RGL3: variants seen among roughly 807,000 people sequenced by gnomAD.
The protein encoded by RGL3 is ral guanine nucleotide dissociation stimulator-like 3.
A neutral mutation model predicts 90.6 loss-of-function variants in RGL3; 85 were observed. That is an observed-to-expected ratio of 0.94 (90% CI 0.79 to 1.12). The LOEUF is 1.12. RGL3 is among the 50% of genes most tolerant of loss of function. RGL3 has a pLI of 0.00. For synonymous variants in RGL3, 408 were observed against 385.5 expected, an observed-to-expected ratio of 1.06 and a Z score of -0.68; for missense variants, 1,034 against 939.2, an observed-to-expected ratio of 1.10 and a Z score of -1.32.
intron 1 of RGL3, chr19:11,418,991 C>T: frequency 1.6e-6 from 1 of 618,672 alleles, no homozygotes; most frequent in South Asian, 2.0e-5. Context: ...CATGGGGTGG[C>T]ATTTGGGGAT....
At chr19:11,400,152 T>C (rs1411511707) in intron 14 of RGL3, 44 bp from the exon 15 acceptor site, 1 of 1,577,320 alleles carries the variant, frequency 6.3e-7, no homozygotes, top group African/African-American at 1.4e-5. Flanking sequence ...GGAGCAGCCC[T>C]TGCTGATATC....
rs116871801 is a variant in RGL3, at chr19:11,401,056, T to G, written c.1485-759A>C. The stretch of plus-strand genomic sequence containing the variant: ...TTACTCAGAACTGAGGGTCAAGGGT[T>G]GGGGTCAGAGAGTCAGATGAGGGGT... On this transcript the variant is annotated intron_variant, in intron 13 of 18. Coordinates refer to ENST00000380456, the MANE Select transcript of RGL3 (RefSeq NM_001035223.4). Among the ~76,000 whole-genome samples, 31 of 151,384 alleles carry G rather than the reference T, an allele frequency of 2.0e-4. No individual in the cohort carries two copies. In the East Asian group the frequency reaches 5.9e-3, roughly 29 times the overall value.
chr19:11,418,601 C>T, intron 2 of RGL3, 70 bp downstream of exon 2: 2 of 1,270,676 alleles, frequency 1.6e-6, no homozygotes. Context: ...GCGGCCTGTG[C>T]TCGGCTCTCC....
At position 11,416,942 on chromosome 19, in the gene RGL3, C is replaced by T. The variant is rs1275907501; in HGVS notation, c.265G>A (p.Asp89Asn). The T allele has an allele frequency of 5.6e-6, 9 of 1,614,052 alleles. No homozygotes were observed. The highest frequency in any genetic ancestry group is 2.2e-5 in the South Asian group (2 of 91,078). Residue 89 changes from aspartate to asparagine, a missense_variant, in exon 3 of 19, where the codon GAC becomes AAC. Transcript: ENST00000380456. ...GELVFGDREQ[D>N]PSFMPAFLAT... ...AGGAAGGCGGGCATGAAGCTGGGGTCCTGCTCACGGTCTCCAAACACCAAC... is the reference window on the plus strand; with the variant it reads ...AGGAAGGCGGGCATGAAGCTGGGGTTCTGCTCACGGTCTCCAAACACCAAC...
intron 18 of RGL3, 71 bp downstream of exon 18, chr19:11,397,173 T>A: frequency 7.5e-7 from 1 of 1,329,912 alleles, no homozygotes; most frequent in South Asian, 1.2e-5. Context: ...TTGGGCTCCA[T>A]CCTTGGGCGT....
At chr19:11,418,451 G>A in intron 2 of RGL3, 2 of 576,926 alleles carry the variant, frequency 3.5e-6, no homozygotes, top group Non-Finnish European at 3.1e-6. Flanking sequence ...CTCCTCTCGG[G>A]AACTGCGCGG....
At chr19:11,405,014 G>C (rs1968744860) in intron 9 of RGL3, 133 bp downstream of exon 9, 1 of 775,204 alleles carries the variant, frequency 1.3e-6, no homozygotes, top group Non-Finnish European at 2.2e-6. Flanking sequence ...CAGGGACAAG[G>C]ATAAGGTCAT....
intron 9 of RGL3, among the ~76,000 whole-genome samples, chr19:11,403,123 C>T (rs1968709357): frequency 6.6e-6 from 1 of 151,678 alleles, no homozygotes; most frequent in South Asian, 2.1e-4. Flanking sequence ...CAGGCTCCGC[C>T]CCCCGGGGTT....
At chr19:11,413,199 T>G (rs1968901111) in intron 5 of RGL3, among the ~76,000 whole-genome samples, 1 of 148,690 alleles carries the variant, frequency 6.7e-6, no homozygotes, top group Admixed American at 6.8e-5. Flanking sequence ...AAGACCTGAA[T>G]TTTTGCCTTT....
rs1968647358 is a variant in RGL3, at chr19:11,400,119, G to C, written c.1581-11C>G. On this transcript the variant is annotated splice_polypyrimidine_tract_variant and intron_variant, in intron 14 of 18. Coordinates refer to ENST00000380456, the MANE Select transcript of RGL3 (RefSeq NM_001035223.4). ...TCTCGGGCAAGCTTCCTAAGGATGG[G>C]GACAGGGGATGAGGCTAAGGCAGGA... is the stretch of plus-strand genomic sequence containing the variant. The C allele has an allele frequency of 1.2e-5, 19 of 1,605,864 alleles. No individual in the cohort carries two copies. Among genetic ancestry groups the C allele is most frequent in the Non-Finnish European group, 1.4e-5 (17 of 1,176,188 alleles).
intron 13 of RGL3, among the ~76,000 whole-genome samples, chr19:11,400,561 C>A (rs1296631268): frequency 1.3e-5 from 2 of 151,816 alleles, no homozygotes; most frequent in Non-Finnish European, 2.9e-5. Flanking sequence ...GGATTAAAGT[C>A]AGGGTCAGGA....
intron 5 of RGL3, among the ~76,000 whole-genome samples, chr19:11,409,682 T>A (rs1005718772): frequency 6.6e-6 from 1 of 152,190 alleles, no homozygotes; most frequent in African/African-American, 2.4e-5. Flanking sequence ...TGGAAAATGA[T>A]GTCCCCAGAA....
chr19:11,401,401 T>TC (rs1212810324), intron 13 of RGL3, among the ~76,000 whole-genome samples: 1 of 150,794 alleles, frequency 6.6e-6, no homozygotes, highest in Non-Finnish European at 1.5e-5. Flanking sequence ...GCTAATTTTT[T>TC]TTTTTTTTTT....
chr19:11,406,910 C>G, intron 5 of RGL3, 46 bp from the exon 6 acceptor site: 2 of 1,577,888 alleles, frequency 1.3e-6, no homozygotes, highest in Non-Finnish European at 1.7e-6. Context: ...GAATCCAAGA[C>G]TGGCTGTGTG....
At position 11,416,484 on chromosome 19, in the gene RGL3, C is replaced by T; in HGVS notation, c.425+130G>A. 3 of 905,742 alleles carry T rather than the reference C, an allele frequency of 3.3e-6. No homozygotes were observed. The Admixed American group carries it at 5.2e-5, about 16-fold the overall frequency. The allele number at this position is 905,742 out of a possible 1,614,324, so 56.1% of individuals were successfully genotyped here. A position where few individuals can be genotyped will look rare whatever the true frequency, so the allele number is the denominator to read the frequency against. On this transcript the variant is annotated intron_variant, in intron 4 of 18. Transcript: ENST00000380456. ...AAAGTGTTGGGATTACAGGCATGAGCCACCACGCCCCACCTGACTCCCAGT... is the reference window on the plus strand; with the variant it reads ...AAAGTGTTGGGATTACAGGCATGAGTCACCACGCCCCACCTGACTCCCAGT...
rs888323465 is a variant in RGL3, at chr19:11,397,668, C to T, written c.1747-71G>A. The T allele has an allele frequency of 2.2e-6, 3 of 1,387,726 alleles. No individual in the cohort carries two copies. In the African/African-American group the frequency reaches 4.4e-5, roughly 20 times the overall value. 86.0% of individuals were successfully genotyped at this position (1,387,726 alleles called of 1,614,324 possible). On this transcript the variant is annotated intron_variant, in intron 16 of 18. Coordinates refer to ENST00000380456, the MANE Select transcript of RGL3 (RefSeq NM_001035223.4). ...ATGCTGAGGGCTAGAAAAGCACGAA[C>T]ACCCCAGCCACCACTGGTGCATTCA...
chr19:11,414,231 T>TTATATATACCTTTA (rs1568341654), intron 5 of RGL3, among the ~76,000 whole-genome samples: 5 of 72,460 alleles, frequency 6.9e-5, no homozygotes, highest in African/African-American at 2.9e-4. Flanking sequence ...ATATATACCT[T>TTATATATACCTTTA]TATATATATA....
At chr19:11,399,479 T>G (rs1180657882) in intron 16 of RGL3, among the ~76,000 whole-genome samples, 1 of 152,046 alleles carries the variant, frequency 6.6e-6, no homozygotes, top group Non-Finnish European at 1.5e-5. Flanking sequence ...GTGGAAGGAT[T>G]GCTTGAGCCT....
chr19:11,418,454 C>T lies in RGL3; in HGVS notation c.147+217G>A. 5.2e-6 allele frequency: 3 copies of T among 579,568 alleles called. No individual in the cohort carries two copies. The South Asian group carries it at 6.2e-5, about 12-fold the overall frequency. 35.9% of individuals were successfully genotyped at this position (579,568 alleles called of 1,614,324 possible). On this transcript the variant is annotated intron_variant, in intron 2 of 18. Coordinates refer to ENST00000380456, the MANE Select transcript of RGL3 (RefSeq NM_001035223.4). ...GTTGTCCCTAGGCTCCTCTCGGGAACTGCGCGGCCATCGCCTGGCCCCACC... is the reference window on the plus strand; with the variant it reads ...GTTGTCCCTAGGCTCCTCTCGGGAATTGCGCGGCCATCGCCTGGCCCCACC...
Sources: gnomAD v4.1 joint callset for allele counts (sites outside exome capture counted in the v4.1 genomes callset) on GRCh38, gnomAD v4.1.1 for gene constraint, MANE v1.5 for transcripts, NCBI Gene and HGNC (gene_info 2026-07-23, HGNC 2026-07-21) for gene names.